KCTD8: variants seen among roughly 807,000 people sequenced by gnomAD.
The protein encoded by KCTD8 is BTB/POZ domain-containing protein KCTD8.
KCTD8 carries 27 observed loss-of-function variants against 31.5 expected under a neutral mutation model. That is an observed-to-expected ratio of 0.86 (90% CI 0.63 to 1.18). The LOEUF is 1.18. Ranked by LOEUF, KCTD8 falls within the 50% of genes most tolerant of loss-of-function variation. The probability of loss-of-function intolerance (pLI) is 0.00; values close to 1 mark genes in which losing one functional copy is unlikely to be tolerated. For missense variants in KCTD8, 658 were observed against 647.7 expected, an observed-to-expected ratio of 1.02 and a Z score of -0.17; for synonymous variants, 290 against 280.0, an observed-to-expected ratio of 1.04 and a Z score of -0.36.
At chr4:44,271,681 T>G (rs1716608356) in intron 1 of KCTD8, among the ~76,000 whole-genome samples, 1 of 152,168 alleles carries the variant, frequency 6.6e-6, no homozygotes, top group Admixed American at 6.5e-5. Context: ...GCATGAGCGA[T>G]CTGTGCCTTA....
chr4:44,321,947 C>T (rs942403220), intron 1 of KCTD8, among the ~76,000 whole-genome samples: 4 of 151,338 alleles, frequency 2.6e-5, no homozygotes, highest in Admixed American at 2.6e-4. Flanking sequence ...CTTTCTATGG[C>T]TGAATAATAT....
intron 1 of KCTD8, among the ~76,000 whole-genome samples, chr4:44,340,601 G>A (rs1002551755): frequency 6.6e-6 from 1 of 151,626 alleles, no homozygotes; most frequent in Non-Finnish European, 1.5e-5. Flanking sequence ...GAGCCACCAC[G>A]CCCGGCCGAC....
At chr4:44,369,544 G>A (rs1028034085) in intron 1 of KCTD8, among the ~76,000 whole-genome samples, 2 of 152,180 alleles carry the variant, frequency 1.3e-5, no homozygotes, top group Non-Finnish European at 2.9e-5. Context: ...GGTGGCTCAC[G>A]CCTGTAATCC....
At chr4:44,410,016 T>C (rs932451564) in intron 1 of KCTD8, among the ~76,000 whole-genome samples, 1 of 152,180 alleles carries the variant, frequency 6.6e-6, no homozygotes, top group African/African-American at 2.4e-5. Context: ...ATAAAATGAC[T>C]AGTATCATTA....
chr4:44,319,430 T>C (rs1718230198), intron 1 of KCTD8, among the ~76,000 whole-genome samples: 2 of 148,692 alleles, frequency 1.3e-5, no homozygotes, highest in African/African-American at 5.0e-5. Context: ...GAGATCAAAG[T>C]AGAGGATTTA....
chr4:44,358,381 G>C (rs1412167093), intron 1 of KCTD8, among the ~76,000 whole-genome samples: 4 of 152,074 alleles, frequency 2.6e-5, no homozygotes, highest in Non-Finnish European at 4.4e-5. Context: ...CTTTATAGTG[G>C]AATGATTTAT....
intron 1 of KCTD8, among the ~76,000 whole-genome samples, chr4:44,195,512 T>G (rs1713912563): frequency 6.6e-6 from 1 of 152,196 alleles, no homozygotes; most frequent in African/African-American, 2.4e-5. Context: ...ATTCTGATTT[T>G]GTAGATCAAA....
chr4:44,380,629 A>G (rs1270692782), intron 1 of KCTD8, among the ~76,000 whole-genome samples: 1 of 151,958 alleles, frequency 6.6e-6, no homozygotes, highest in East Asian at 1.9e-4. Flanking sequence ...TTCTTACTAC[A>G]GAGTTTCCAC....
intron 1 of KCTD8, among the ~76,000 whole-genome samples, chr4:44,260,364 A>G (rs1167157037): frequency 6.6e-6 from 1 of 151,940 alleles, no homozygotes; most frequent in African/African-American, 2.4e-5. Flanking sequence ...CAAAACAGGA[A>G]AAGTGCTTTC....
At chr4:44,332,802 G>C (rs1718623900) in intron 1 of KCTD8, among the ~76,000 whole-genome samples, 1 of 151,840 alleles carries the variant, frequency 6.6e-6, no homozygotes, top group South Asian at 2.1e-4. Flanking sequence ...TATCACATAT[G>C]TTCCAAATGC....
chr4:44,193,840 C>A (rs1261840603), intron 1 of KCTD8, among the ~76,000 whole-genome samples: 1 of 151,966 alleles, frequency 6.6e-6, no homozygotes. Flanking sequence ...TCTGTGAATT[C>A]AGACCAATAA....
chr4:44,220,624 C>T (rs985164562), intron 1 of KCTD8, among the ~76,000 whole-genome samples: 14 of 152,154 alleles, frequency 9.2e-5, no homozygotes, highest in East Asian at 1.9e-4. Flanking sequence ...TGCCACATTA[C>T]GTTCTTTGGG....
intron 1 of KCTD8, among the ~76,000 whole-genome samples, chr4:44,200,013 G>C (rs1345270229): frequency 6.6e-6 from 1 of 151,360 alleles, no homozygotes; most frequent in Non-Finnish European, 1.5e-5. Context: ...ATCCTGAAAG[G>C]GTACTGTAAA....
intron 1 of KCTD8, among the ~76,000 whole-genome samples, chr4:44,278,089 T>A (rs927119476): frequency 2.0e-5 from 3 of 152,114 alleles, no homozygotes; most frequent in Admixed American, 6.6e-5. Context: ...CTCTCTGTTT[T>A]TCATCACTTT....
intron 1 of KCTD8, among the ~76,000 whole-genome samples, chr4:44,220,403 A>C (rs1412894060): frequency 6.6e-6 from 1 of 152,210 alleles, no homozygotes; most frequent in African/African-American, 2.4e-5. Flanking sequence ...AGAGTTCACC[A>C]ATATTTGATG....
At chr4:44,216,259 C>A (rs980927320) in intron 1 of KCTD8, among the ~76,000 whole-genome samples, 1 of 152,076 alleles carries the variant, frequency 6.6e-6, no homozygotes, top group Non-Finnish European at 1.5e-5. Context: ...TGGGTATGTT[C>A]AAATGTTGGT....
rs199886298 is a variant in KCTD8 at position 44,327,143 on chromosome 4, T to TCAAA, written c.961+120416_961+120419dup. On this transcript the variant is annotated intron_variant, in intron 1 of 1. Transcript: ENST00000360029. ...CAAGTGAAACATATAAAGTCAGAGG[T>TCAAA]CAAAAGACATTCTTCTTTTTATAGC... is the stretch of plus-strand genomic sequence containing the variant. Among the ~76,000 whole-genome samples the TCAAA allele has an allele frequency of 8.7e-3, 1,317 of 152,018 alleles. 11 individuals carry two copies. The highest frequency in any genetic ancestry group is 0.013 in the Non-Finnish European group (913 of 67,916).
chr4:44,296,345 T>G (rs1336830431), intron 1 of KCTD8, among the ~76,000 whole-genome samples: 2 of 151,956 alleles, frequency 1.3e-5, no homozygotes, highest in African/African-American at 4.8e-5. Flanking sequence ...ATTAAATCCC[T>G]TTAAGAGAAG....
intron 1 of KCTD8, among the ~76,000 whole-genome samples, chr4:44,326,054 A>G (rs1718435705): frequency 6.6e-6 from 1 of 151,984 alleles, no homozygotes; most frequent in Non-Finnish European, 1.5e-5. Flanking sequence ...GTACTCTAAA[A>G]TGTTGTGTGG....
Sources: gnomAD v4.1 joint callset for allele counts (sites outside exome capture counted in the v4.1 genomes callset) on GRCh38, gnomAD v4.1.1 for gene constraint, MANE v1.5 for transcripts, NCBI Gene and HGNC (gene_info 2026-07-23, HGNC 2026-07-21) for gene names.